Variants in FGD6 observed in about 807,000 individuals in gnomAD.
FGD6 encodes the protein FYVE, RhoGEF and PH domain containing 6.
In FGD6, 90 loss-of-function variants were observed where a neutral mutation model predicts 149.4. That is an observed-to-expected ratio of 0.60 (90% confidence interval 0.51 to 0.72). The LOEUF is 0.72. Among genes scored for constraint, FGD6 ranks in the 30% least tolerant of loss-of-function variants. FGD6 has a pLI of 0.00. For missense variants in FGD6, 1,437 were observed against 1,684.8 expected, an observed-to-expected ratio of 0.85 and a Z score of 2.57; for synonymous variants, 527 against 584.0, an observed-to-expected ratio of 0.90 and a Z score of 1.41.
At chr12:95,093,128 G>C (rs369351931) in intron 15 of FGD6, among the ~76,000 whole-genome samples, 1 of 152,192 alleles carries the variant, frequency 6.6e-6, no homozygotes, top group African/African-American at 2.4e-5. Context: ...GGCTGAGGCA[G>C]GAGAATTACT....
chr12:95,129,520 G>A (rs903465245), intron 8 of FGD6, among the ~76,000 whole-genome samples: 1 of 152,084 alleles, frequency 6.6e-6, no homozygotes, highest in Non-Finnish European at 1.5e-5. Flanking sequence ...GTCTCTACCC[G>A]GAAGAGATGA....
chr12:95,124,192 G>A (rs142734134), intron 8 of FGD6, among the ~76,000 whole-genome samples: 2,123 of 152,088 alleles, frequency 0.014, 46 homozygotes, highest in African/African-American at 0.049. Context: ...GATTACAGGC[G>A]TGAGCCACCG....
intron 11 of FGD6, 72 bp from the exon 12 acceptor site, chr12:95,107,703 C>A: frequency 1.3e-6 from 2 of 1,526,948 alleles, no homozygotes; most frequent in Non-Finnish European, 1.8e-6. Flanking sequence ...TCCTTTTCAA[C>A]TTTCTTCCCT....
chr12:95,107,104 G>T, intron 12 of FGD6, 67 bp from the exon 13 acceptor site: 1 of 1,157,570 alleles, frequency 8.6e-7, no homozygotes, highest in Non-Finnish European at 1.3e-6. Context: ...ATTTTGACAA[G>T]ATACAAGATT....
intron 2 of FGD6, among the ~76,000 whole-genome samples, chr12:95,182,430 A>C (rs1482463087): frequency 1.3e-5 from 2 of 152,090 alleles, no homozygotes; most frequent in African/African-American, 2.4e-5. Flanking sequence ...CGGACTCCTG[A>C]CCTCAGGTGA....
At chr12:95,214,861 C>CTTTTTTTT (rs1171146305) in intron 1 of FGD6, among the ~76,000 whole-genome samples, 9 of 129,210 alleles carry the variant, frequency 7.0e-5, no homozygotes, top group African/African-American at 8.7e-5. Context: ...CTCCTTTTTT[C>CTTTTTTTT]TTTTTTTTTT....
intron 8 of FGD6, among the ~76,000 whole-genome samples, chr12:95,122,718 A>G (rs1379569074): frequency 6.6e-6 from 1 of 151,390 alleles, no homozygotes; most frequent in Non-Finnish European, 1.5e-5. Context: ...TACTCATTCA[A>G]TTCTAGTCCT....
At chr12:95,157,810 T>C (rs1428298048) in intron 3 of FGD6, among the ~76,000 whole-genome samples, 1 of 152,172 alleles carries the variant, frequency 6.6e-6, no homozygotes, top group Non-Finnish European at 1.5e-5. Flanking sequence ...TTCCTAATGA[T>C]GGAGACTACC....
At chr12:95,108,597 T>C in intron 9 of FGD6, 36 bp from the exon 10 acceptor site, 1 of 1,610,998 alleles carries the variant, frequency 6.2e-7, no homozygotes, top group African/African-American at 1.3e-5. Flanking sequence ...CATTTAGTAA[T>C]TACAATGGAA....
intron 19 of FGD6, among the ~76,000 whole-genome samples, chr12:95,085,243 G>C (rs1877822780): frequency 3.2e-5 from 4 of 125,332 alleles, no homozygotes; most frequent in Admixed American, 9.1e-5. Flanking sequence ...TTGAGACAGA[G>C]TCTCTCTGTT....
Position 95,122,645 on chromosome 12 carries a change from CAAAAAAAAAAAAAAA to C in FGD6, c.3083-8959_3083-8945del, listed in dbSNP as rs397687285. ...TGGGCAACAGAGCGAGACTCAGTCT[CAAAAAAAAAAAAAAA>C]AAAAAAAAAGGCTCTGGCCTTTGGC... On this transcript the variant is annotated intron_variant, in intron 8 of 20. Transcript: ENST00000343958. 6.7e-4 allele frequency among the ~76,000 whole-genome samples: 43 copies of C among 64,432 alleles called. 1 individual carries two copies. Among genetic ancestry groups the C allele is most frequent in the African/African-American group, 2.6e-3 (41 of 15,794 alleles). The allele number at this position is 64,432 out of a possible 152,430, so 42.3% of individuals were successfully genotyped here. A position where few individuals can be genotyped will look rare whatever the true frequency, so the allele number is the denominator to read the frequency against.
chr12:95,089,443 G>T, intron 18 of FGD6, 126 bp downstream of exon 18: 4 of 1,205,430 alleles, frequency 3.3e-6, no homozygotes, highest in South Asian at 1.6e-5. Flanking sequence ...TCCATCATCA[G>T]TATTAAAATT....
intron 2 of FGD6, among the ~76,000 whole-genome samples, chr12:95,191,477 T>C (rs1444608474): frequency 1.3e-5 from 2 of 152,230 alleles, no homozygotes; most frequent in African/African-American, 2.4e-5. Context: ...GGATTCTGAC[T>C]TCACACAAGC....
At chr12:95,202,973 G>A (rs752493688) in intron 2 of FGD6, among the ~76,000 whole-genome samples, 5 of 152,086 alleles carry the variant, frequency 3.3e-5, no homozygotes, top group South Asian at 2.1e-4. Flanking sequence ...ACTGTGCTAC[G>A]ACAACATGGA....
chr12:95,105,637 C>A (rs1404154106), intron 13 of FGD6, among the ~76,000 whole-genome samples: 1 of 152,180 alleles, frequency 6.6e-6, no homozygotes, highest in Non-Finnish European at 1.5e-5. Context: ...TTCCACCAAA[C>A]CCATTACTGT....
chr12:95,121,482 T>C (rs1254287011), intron 8 of FGD6, among the ~76,000 whole-genome samples: 1 of 10,600 alleles, frequency 9.4e-5, no homozygotes, highest in East Asian at 4.9e-3. Flanking sequence ...TATATATATG[T>C]ATATATATAT....
intron 5 of FGD6, among the ~76,000 whole-genome samples, chr12:95,144,485 C>T (rs1169624294): frequency 1.3e-5 from 2 of 151,858 alleles, no homozygotes; most frequent in Admixed American, 6.6e-5. Flanking sequence ...CTCCGCTTCC[C>T]GGGTTCAAGC....
rs1386719189 is a variant in FGD6, at chr12:95,082,984, T to TTA, written c.4257-1429_4257-1428insTA. 2.9e-4 allele frequency among the ~76,000 whole-genome samples: 9 copies of TTA among 31,130 alleles called. 1 individual carries two copies. Among genetic ancestry groups the TTA allele is most frequent in the South Asian group, 2.0e-3 (1 of 506 alleles). 20.4% of individuals were successfully genotyped at this position (31,130 alleles called of 152,430 possible). On this transcript the variant is annotated intron_variant, in intron 20 of 20. Coordinates refer to ENST00000343958, the MANE Select transcript of FGD6 (RefSeq NM_018351.4). ...CAACATTGCTAGACTCTGTCTCCAT[T>TTA]AAAAAAAAAAAAAAAAAAAAAAAAA...
chr12:95,111,140 C>G (rs1418028898), intron 9 of FGD6, among the ~76,000 whole-genome samples: 2 of 152,104 alleles, frequency 1.3e-5, no homozygotes, highest in Non-Finnish European at 2.9e-5. Context: ...CACCCCCATG[C>G]CCCACTAATC....
Sources: allele counts gnomAD v4.1 joint callset (sites outside exome capture counted in the v4.1 genomes callset), GRCh38; gene constraint gnomAD v4.1.1; transcripts MANE v1.5; gene names NCBI Gene and HGNC (gene_info 2026-07-23, HGNC 2026-07-21).